ELMOD1: variants seen among roughly 807,000 people sequenced by gnomAD.
The protein encoded by ELMOD1 is ELMO domain-containing protein 1.
A neutral mutation model predicts 46.7 loss-of-function variants in ELMOD1; 21 were observed. That is an observed-to-expected ratio of 0.45 (90% confidence interval 0.32 to 0.65). The LOEUF (loss-of-function observed/expected upper bound fraction) is 0.65. Among genes scored for constraint, ELMOD1 ranks in the 30% least tolerant of loss-of-function variants. The pLI is 0.04. For missense variants in ELMOD1, 348 were observed against 407.8 expected, an observed-to-expected ratio of 0.85 and a Z score of 1.26; for synonymous variants, 122 against 138.2, an observed-to-expected ratio of 0.88 and a Z score of 0.82.
chr11:107,596,828 G>C (rs1865499232), intron 1 of ELMOD1, among the ~76,000 whole-genome samples: 1 of 152,076 alleles, frequency 6.6e-6, no homozygotes, highest in Admixed American at 6.6e-5. Context: ...TCACTAAAGA[G>C]TTTTATGCTG....
At chr11:107,634,755 AAAAAT>A (rs1409513057) in intron 5 of ELMOD1, among the ~76,000 whole-genome samples, 2 of 152,164 alleles carry the variant, frequency 1.3e-5, no homozygotes. Context: ...CATAAAAAAT[AAAAAT>A]AAAATAAAAC....
At chr11:107,628,505 T>G (rs1212696962) in intron 2 of ELMOD1, among the ~76,000 whole-genome samples, 1 of 151,838 alleles carries the variant, frequency 6.6e-6, no homozygotes, top group African/African-American at 2.4e-5. Flanking sequence ...AATTAAAATA[T>G]CCCACTAAAT....
In ELMOD1 at chr11:107,602,449, C is replaced by A. The variant is rs550806756; in HGVS notation, c.-86+11040C>A. On this transcript the variant is annotated intron_variant, in intron 1 of 11. Coordinates refer to ENST00000265840, the MANE Select transcript of ELMOD1 (RefSeq NM_018712.4). ...TCGCTTTTCTTTCTCTCTAGAATAT[C>A]TGTTACTTGGATGTTGAACCTTTTT... 2.0e-5 allele frequency among the ~76,000 whole-genome samples: 3 copies of A among 152,238 alleles called. No homozygotes were observed. In the South Asian group the frequency reaches 6.2e-4, roughly 32 times the overall value.
intron 1 of ELMOD1, among the ~76,000 whole-genome samples, chr11:107,604,822 C>T (rs986793807): frequency 3.3e-5 from 5 of 152,166 alleles, no homozygotes; most frequent in Admixed American, 6.6e-5. Context: ...ATGCTATTAC[C>T]TCTTCTGCAC....
At chr11:107,614,643 G>A (rs1417896923) in intron 1 of ELMOD1, among the ~76,000 whole-genome samples, 2 of 152,108 alleles carry the variant, frequency 1.3e-5, no homozygotes, top group Admixed American at 6.6e-5. Context: ...GGCCCAGAGT[G>A]TATTTTTTAA....
At chr11:107,656,532 A>G in intron 11 of ELMOD1, among the ~76,000 whole-genome samples, 1 of 151,462 alleles carries the variant, frequency 6.6e-6, no homozygotes, top group East Asian at 1.9e-4. Context: ...AGAACACTCC[A>G]GACAAGGGTC....
chr11:107,628,738 A>G (rs1866087311), intron 2 of ELMOD1, among the ~76,000 whole-genome samples: 1 of 151,702 alleles, frequency 6.6e-6, no homozygotes, highest in African/African-American at 2.4e-5. Context: ...TGATCATTTT[A>G]TACATCATAA....
At chr11:107,593,593 G>A (rs906421762) in intron 1 of ELMOD1, among the ~76,000 whole-genome samples, 2 of 152,196 alleles carry the variant, frequency 1.3e-5, no homozygotes, top group Non-Finnish European at 2.9e-5. Context: ...TAAAGGAAGC[G>A]TTCTCCGAGT....
intron 1 of ELMOD1, among the ~76,000 whole-genome samples, chr11:107,597,429 A>T (rs1283106059): frequency 1.3e-5 from 2 of 152,206 alleles, no homozygotes; most frequent in Non-Finnish European, 2.9e-5. Context: ...GGATTCACAG[A>T]TAAATAGAGC....
chr11:107,613,363 G>A (rs893981790), intron 1 of ELMOD1, among the ~76,000 whole-genome samples: 1 of 152,172 alleles, frequency 6.6e-6, no homozygotes, highest in African/African-American at 2.4e-5. Context: ...GAGAGGTCAA[G>A]CAACTTGTCT....
chr11:107,608,132 C>A (rs2135662580), intron 1 of ELMOD1, among the ~76,000 whole-genome samples: 1 of 151,260 alleles, frequency 6.6e-6, no homozygotes, highest in Non-Finnish European at 1.5e-5. Flanking sequence ...CTAGTTATTA[C>A]TAATTACAGT....
intron 1 of ELMOD1, among the ~76,000 whole-genome samples, chr11:107,593,782 T>A (rs1302628661): frequency 6.6e-6 from 1 of 152,250 alleles, no homozygotes; most frequent in Admixed American, 6.5e-5. Context: ...TATCCTAAAT[T>A]CAGTTTCGAC....
intron 6 of ELMOD1, among the ~76,000 whole-genome samples, chr11:107,638,106 C>T (rs4754240): frequency 0.75 from 114,130 of 151,936 alleles, 43,205 homozygotes; most frequent in African/African-American, 0.83. Flanking sequence ...CCATACCATA[C>T]GCCCAGGAAT....
intron 1 of ELMOD1, chr11:107,591,896 C>G (rs1865402404): frequency 4.0e-6 from 2 of 493,886 alleles, no homozygotes; most frequent in East Asian, 6.2e-5. Context: ...TGGGGTCCTC[C>G]GCGCAGCGAG....
chr11:107,650,843 T>C (rs1866513646), intron 8 of ELMOD1, 42 bp from the exon 9 acceptor site: 1 of 1,077,276 alleles, frequency 9.3e-7, no homozygotes, highest in African/African-American at 1.7e-5. Flanking sequence ...ATTGTTTGCA[T>C]TTTCATTTAC....
At chr11:107,651,646 A>G (rs1332604043) in intron 9 of ELMOD1, among the ~76,000 whole-genome samples, 4 of 152,206 alleles carry the variant, frequency 2.6e-5, no homozygotes, top group African/African-American at 9.7e-5. Flanking sequence ...CTTTCTTGTT[A>G]TATGGTTAAA....
At chr11:107,630,647 A>G in intron 3 of ELMOD1, 53 bp from the exon 4 acceptor site, 3 of 1,602,492 alleles carry the variant, frequency 1.9e-6, no homozygotes, top group Non-Finnish European at 2.6e-6. Flanking sequence ...GTAATTCTAA[A>G]CCATGTGTAA....
intron 5 of ELMOD1, among the ~76,000 whole-genome samples, chr11:107,633,580 G>A (rs895684614): frequency 3.9e-5 from 6 of 151,992 alleles, no homozygotes; most frequent in African/African-American, 7.2e-5. Flanking sequence ...CTACAGGCAC[G>A]TGCCACCACA....
chr11:107,609,566 A>T (rs1216262867), intron 1 of ELMOD1, among the ~76,000 whole-genome samples: 1 of 152,146 alleles, frequency 6.6e-6, no homozygotes, highest in Non-Finnish European at 1.5e-5. Context: ...AGTTAGGGTT[A>T]CCCCGTAGCA....
Sources: gnomAD v4.1 joint callset for allele counts (sites outside exome capture counted in the v4.1 genomes callset) on GRCh38, gnomAD v4.1.1 for gene constraint, MANE v1.5 for transcripts, NCBI Gene and HGNC (gene_info 2026-07-23, HGNC 2026-07-21) for gene names.